The following FBLN5 variants were observed in gnomAD, a reference collection of about 807,000 sequenced individuals.
The protein encoded by FBLN5 is fibulin 5.
A neutral mutation model predicts 61.6 loss-of-function variants in FBLN5; 24 were observed. That is an observed-to-expected ratio of 0.39 (90% CI 0.28 to 0.55). The LOEUF is 0.55. Among genes scored for constraint, FBLN5 ranks in the 20% least tolerant of loss-of-function variants. The pLI is 0.65. For missense variants in FBLN5, 470 were observed against 594.1 expected (o/e 0.79, Z 2.17); for synonymous variants, 213 against 219.8 (o/e 0.97, Z 0.27).
At chr14:91,898,794 TTC>T (rs869294256) in intron 4 of FBLN5, among the ~76,000 whole-genome samples, 1 of 144,734 alleles carries the variant, frequency 6.9e-6, no homozygotes, top group African/African-American at 2.6e-5. Context: ...CATTCATTCA[TTC>T]TTTTTTTTTT....
At chr14:91,892,336 C>G (rs766525926) in intron 5 of FBLN5, among the ~76,000 whole-genome samples, 44 of 152,160 alleles carry the variant, frequency 2.9e-4, no homozygotes, top group Non-Finnish European at 4.7e-4. Context: ...CCCACCTCCC[C>G]CAATCTAACC....
intron 1 of FBLN5, among the ~76,000 whole-genome samples, chr14:91,944,459 C>A (rs1355604149): frequency 6.6e-6 from 1 of 152,102 alleles, no homozygotes; most frequent in Non-Finnish European, 1.5e-5. Context: ...TAGGTATATA[C>A]CCTCAAAAAA....
At position 91,902,669 on chromosome 14, in the gene FBLN5, A is replaced by G. The variant is rs531293094; in HGVS notation, c.380-7597T>C. ...TTCATTGGGTTCTACAATCCTAACT[A>G]GCTCCCACATGAGGCCAATGCTGCT... On this transcript the variant is annotated intron_variant, in intron 4 of 10. Coordinates refer to ENST00000342058, the MANE Select transcript of FBLN5 (RefSeq NM_006329.4). 2.6e-5 allele frequency among the ~76,000 whole-genome samples: 4 copies of G among 152,306 alleles called. No homozygotes were observed. In the South Asian group the frequency reaches 8.3e-4, roughly 32 times the overall value.
rs552840958 is a variant in FBLN5 at position 91,887,153 on chromosome 14, C to T, written c.739+40G>A. On this transcript the variant is annotated intron_variant, in intron 7 of 10. Transcript: ENST00000342058. ...TTGCCCTTCAACCCCTGCCCAGGCC[C>T]CAAGTACAGGTGGAAGTTTCCAATG... The T allele has an allele frequency of 1.9e-6, 3 of 1,612,352 alleles. No individual in the cohort carries two copies. In the East Asian group the frequency reaches 6.7e-5, roughly 36 times the overall value.
At chr14:91,892,348 G>T (rs141390419) in intron 5 of FBLN5, among the ~76,000 whole-genome samples, 2 of 152,220 alleles carry the variant, frequency 1.3e-5, no homozygotes, top group Non-Finnish European at 2.9e-5. Flanking sequence ...AATCTAACCA[G>T]GTTTCCTCCC....
rs552396084 is a variant in FBLN5, at chr14:91,943,237, G to A, written c.18-276C>T. Among the ~76,000 whole-genome samples the A allele has an allele frequency of 2.6e-5, 4 of 152,176 alleles. No homozygotes were observed. Among genetic ancestry groups the A allele is most frequent in the East Asian group, 3.9e-4 (2 of 5,186 alleles). ...AAAAAAAAAAGCTAAGGTCAGGTGCGGTGGCTTACGCTTGTAATCCCAGCA... is the reference window on the plus strand; with the variant it reads ...AAAAAAAAAAGCTAAGGTCAGGTGCAGTGGCTTACGCTTGTAATCCCAGCA... On this transcript the variant is annotated intron_variant, in intron 1 of 10. Transcript: ENST00000342058. The surrounding 1 kb of genome is among the most constrained non-coding windows in gnomAD (Gnocchi z 4.0).
chr14:91,911,885 C>T (rs1566816324), intron 4 of FBLN5, among the ~76,000 whole-genome samples: 2 of 151,690 alleles, frequency 1.3e-5, no homozygotes, highest in Non-Finnish European at 2.9e-5. Flanking sequence ...GACCTATTAG[C>T]AAGTAGGAAG....
rs1889532483 is a variant in FBLN5 at position 91,882,672 on chromosome 14, A to C, written c.862+282T>G. On this transcript the variant is annotated intron_variant, in intron 8 of 10. Transcript: ENST00000342058. This position sits in a 1 kb window ranked among gnomAD's most constrained non-coding sequence, Gnocchi z 4.9. ...TCAGAGATCTGCCTGGGGAGGCAGAAAGCCACGCTTAGAGGCTGCCGTCTG... is the reference window on the plus strand; with the variant it reads ...TCAGAGATCTGCCTGGGGAGGCAGACAGCCACGCTTAGAGGCTGCCGTCTG... 6.6e-6 allele frequency among the ~76,000 whole-genome samples: 1 copy of C among 152,232 alleles called. No homozygotes were observed. The highest frequency in any genetic ancestry group is 2.4e-5 in the African/African-American group (1 of 41,460).
At chr14:91,919,161 C>A (rs892061482) in intron 4 of FBLN5, among the ~76,000 whole-genome samples, 2 of 151,522 alleles carry the variant, frequency 1.3e-5, no homozygotes, top group Non-Finnish European at 2.9e-5. Context: ...TGAAACCCTG[C>A]CTCTAGTAAA....
intron 4 of FBLN5, among the ~76,000 whole-genome samples, chr14:91,932,829 C>G (rs1282537400): frequency 6.6e-6 from 1 of 152,182 alleles, no homozygotes; most frequent in South Asian, 2.1e-4. Context: ...GCCAGGGAAA[C>G]AGTAAAGACT....
intron 4 of FBLN5, among the ~76,000 whole-genome samples, chr14:91,895,601 C>T (rs1003844518): frequency 3.4e-4 from 52 of 151,692 alleles, no homozygotes; most frequent in African/African-American, 8.5e-4. Context: ...GAGTTCAAGA[C>T]GAGCTCAGGC....
chr14:91,929,940 A>G (rs1302843184), intron 4 of FBLN5, among the ~76,000 whole-genome samples: 1 of 152,190 alleles, frequency 6.6e-6, no homozygotes, highest in East Asian at 1.9e-4. Flanking sequence ...AACTTCCTGG[A>G]GTCCTGTCTG....
In FBLN5 at chr14:91,931,612, C is replaced by T. The variant is rs1480404882; in HGVS notation, c.379+5335G>A. On this transcript the variant is annotated intron_variant, in intron 4 of 10. Transcript: ENST00000342058. ...CACAAATGGCCGGAATTTCTGCAGTCCCCGGAGTAGCAGGGCTCTAGTAAA... is the reference window on the plus strand; with the variant it reads ...CACAAATGGCCGGAATTTCTGCAGTTCCCGGAGTAGCAGGGCTCTAGTAAA... Among the ~76,000 whole-genome samples, 3 of 152,220 alleles carry T rather than the reference C, an allele frequency of 2.0e-5. No homozygotes were observed. The East Asian group carries it at 5.8e-4, about 29-fold the overall frequency.
At chr14:91,896,650 C>A (rs1890238932) in intron 4 of FBLN5, among the ~76,000 whole-genome samples, 1 of 152,164 alleles carries the variant, frequency 6.6e-6, no homozygotes, top group Admixed American at 6.5e-5. Context: ...GGCCTCCCTG[C>A]CTGCCTGACT....
chr14:91,917,815 T>C (rs931257477), intron 4 of FBLN5, among the ~76,000 whole-genome samples: 1 of 152,186 alleles, frequency 6.6e-6, no homozygotes, highest in Non-Finnish European at 1.5e-5. Context: ...AGTGAATGTA[T>C]TTCACTTTAA....
chr14:91,884,230 G>A (rs1290785590), intron 7 of FBLN5, among the ~76,000 whole-genome samples: 1 of 152,158 alleles, frequency 6.6e-6, no homozygotes, highest in African/African-American at 2.4e-5. Context: ...GTCCTCAGGT[G>A]ATGGGTTATC....
chr14:91,894,899 G>A (rs1890156644), intron 5 of FBLN5, 51 bp downstream of exon 5: 13 of 1,369,542 alleles, frequency 9.5e-6, no homozygotes, highest in Non-Finnish European at 1.2e-5. Context: ...AAATGCCCCT[G>A]GCAACCGTTA....
chr14:91,902,632 T>C (rs1890507423), intron 4 of FBLN5, among the ~76,000 whole-genome samples: 1 of 152,170 alleles, frequency 6.6e-6, no homozygotes, highest in African/African-American at 2.4e-5. Context: ...CTTGTTAAAA[T>C]GTAGATTCTA....
intron 4 of FBLN5, among the ~76,000 whole-genome samples, chr14:91,907,323 T>C (rs1317381462): frequency 6.6e-6 from 1 of 152,102 alleles, no homozygotes. Flanking sequence ...AAACTACACA[T>C]TGAGCCTCCC....
Sources: gnomAD v4.1 joint callset for allele counts (sites outside exome capture counted in the v4.1 genomes callset) on GRCh38, gnomAD v4.1.1 for gene constraint, Gnocchi (gnomAD v3.1) non-coding constraint, MANE v1.5 for transcripts, NCBI Gene and HGNC (gene_info 2026-07-23, HGNC 2026-07-21) for gene names.